The following CRYBA4 variants were observed in gnomAD, a reference collection of about 807,000 sequenced individuals.
CRYBA4 encodes the protein beta-crystallin A4.
CRYBA4 carries 30 observed loss-of-function variants against 31.7 expected under a neutral mutation model. The observed-to-expected ratio is 0.95, with a 90% CI of 0.71 to 1.28. The LOEUF (loss-of-function observed/expected upper bound fraction) is 1.28. CRYBA4 is among the 50% of genes most tolerant of loss of function. The pLI is 0.00. For missense variants in CRYBA4, 225 were observed against 260.7 expected (o/e 0.86, Z 0.94); for synonymous variants, 102 against 102.3 (o/e 1.00, Z 0.02).
intron 5 of CRYBA4, among the ~76,000 whole-genome samples, chr22:26,629,006 CAGGCTCTTTGGCT>C (rs1228945419): frequency 6.6e-6 from 1 of 152,206 alleles, no homozygotes; most frequent in African/African-American, 2.4e-5. Flanking sequence ...TGAGAGGCCA[CAGGCTCTTTGGCT>C]AGAAGAGGGG....
chr22:26,600,138 AAG>A, the CRYBA4 span, among the ~76,000 whole-genome samples: 1 of 152,198 alleles, frequency 6.6e-6, no homozygotes, highest in Non-Finnish European at 1.5e-5. Context: ...GCGGTGGCTC[AAG>A]CCTGTAATCC....
At chr22:26,598,577 T>C in the CRYBA4 span, among the ~76,000 whole-genome samples, 1 of 151,944 alleles carries the variant, frequency 6.6e-6, no homozygotes, top group Non-Finnish European at 1.5e-5. Flanking sequence ...AGAGATGGGG[T>C]TTCGCGATGT....
the CRYBA4 span, among the ~76,000 whole-genome samples, chr22:26,601,427 G>A: frequency 1.3e-5 from 2 of 151,964 alleles, no homozygotes; most frequent in Non-Finnish European, 1.5e-5. Flanking sequence ...AGGCTCACTC[G>A]AGTTCCTCAG....
the CRYBA4 span, among the ~76,000 whole-genome samples, chr22:26,611,064 C>T: frequency 1.3e-5 from 2 of 152,126 alleles, no homozygotes; most frequent in Non-Finnish European, 2.9e-5. Context: ...GATGACTATC[C>T]CTGTTTTATA....
the CRYBA4 span, among the ~76,000 whole-genome samples, chr22:26,596,442 T>A: frequency 1.3e-5 from 2 of 152,184 alleles, no homozygotes; most frequent in Non-Finnish European, 2.9e-5. Flanking sequence ...TTCTAGTATG[T>A]TTACCTTTTA....
chr22:26,623,910 G>A (rs1413183746), intron 3 of CRYBA4, among the ~76,000 whole-genome samples: 2 of 152,062 alleles, frequency 1.3e-5, no homozygotes, highest in Non-Finnish European at 2.9e-5. Context: ...TGATGGAGAT[G>A]TTCTACATCT....
chr22:26,630,643 A>G lies in CRYBA4; in HGVS notation c.*156A>G, dbSNP rs1929902123. 8.0e-6 allele frequency: 5 copies of G among 625,600 alleles called. No homozygotes were observed. The highest frequency in any genetic ancestry group is 2.9e-5 in the Admixed American group (1 of 34,840). 38.8% of individuals were successfully genotyped at this position (625,600 alleles called of 1,614,324 possible). ...GTGCACAGTCAGCACAAAAAACTCA[A>G]ACGAATAAAAAAGAGAAAGTCTGGT... On this transcript the variant is annotated 3_prime_UTR_variant, in exon 6 of 6. Coordinates refer to ENST00000354760, the MANE Select transcript of CRYBA4 (RefSeq NM_001886.3).
intron 3 of CRYBA4, among the ~76,000 whole-genome samples, chr22:26,623,629 C>T (rs1031858845): frequency 5.3e-5 from 8 of 152,124 alleles, no homozygotes; most frequent in Non-Finnish European, 1.2e-4. Flanking sequence ...AAAAATGTCC[C>T]TCCCAGCCGT....
the CRYBA4 span, among the ~76,000 whole-genome samples, chr22:26,616,512 G>A: frequency 1.3e-5 from 2 of 152,126 alleles, no homozygotes; most frequent in African/African-American, 4.8e-5. Flanking sequence ...AGACCTTCCC[G>A]TCTGGGGGCC....
the CRYBA4 span, chr22:26,612,091 T>C: frequency 2.5e-6 from 4 of 1,613,138 alleles, no homozygotes; most frequent in Admixed American, 5.0e-5. Context: ...GAGACAATGA[T>C]GCTGCGCACA....
rs1321886393 is a variant in CRYBA4, at chr22:26,628,442, C to G, written c.443+12C>G. The G allele has an allele frequency of 5.0e-6, 8 of 1,613,562 alleles. No individual in the cohort carries two copies. Among genetic ancestry groups the G allele is most frequent in the Non-Finnish European group, 6.8e-6 (8 of 1,179,618 alleles). ...GTCCACTCTGGGGCGTAAGTGTATT[C>G]AAGGCTCTACCTGGCAGGGGAGGGG... On this transcript the variant is annotated intron_variant, in intron 5 of 5. Transcript: ENST00000354760.
At chr22:26,613,597 C>T in the CRYBA4 span, among the ~76,000 whole-genome samples, 1 of 152,338 alleles carries the variant, frequency 6.6e-6, no homozygotes, top group East Asian at 1.9e-4. Flanking sequence ...TACCCTTGTG[C>T]TTTCCTATGC....
At chr22:26,618,405 C>G (rs1265399499), upstream of CRYBA4, among the ~76,000 whole-genome samples, 1 of 152,184 alleles carries the variant, frequency 6.6e-6, no homozygotes, top group African/African-American at 2.4e-5. Flanking sequence ...TTTGGTAGGT[C>G]TCTACCCCTA....
At chr22:26,612,045 T>C in the CRYBA4 span, 1 of 1,494,424 alleles carries the variant, frequency 6.7e-7, no homozygotes, top group Non-Finnish European at 9.3e-7. Flanking sequence ...TGGCAGAGAG[T>C]GTGCCCCTCC....
chr22:26,601,818 A>T, the CRYBA4 span: 1 of 1,609,342 alleles, frequency 6.2e-7, no homozygotes. Flanking sequence ...TAAGGGGAGC[A>T]GCCTCTGATT....
intron 5 of CRYBA4, among the ~76,000 whole-genome samples, chr22:26,629,776 G>C (rs969663328): frequency 7.5e-6 from 1 of 133,008 alleles, no homozygotes; most frequent in African/African-American, 2.8e-5. Context: ...TGAAATGATA[G>C]CTTTTTTTCT....
At chr22:26,612,892 G>A in the CRYBA4 span, among the ~76,000 whole-genome samples, 8 of 151,992 alleles carry the variant, frequency 5.3e-5, no homozygotes, top group East Asian at 1.9e-4. Flanking sequence ...TTCCTCCATC[G>A]GCCTTGGTTG....
Position 26,630,379 on chromosome 22 carries a change from G to C in CRYBA4, c.483G>C (p.Gln161His). The C allele has an allele frequency of 6.2e-7, 1 of 1,614,252 alleles. No individual in the cohort carries two copies. The highest frequency in any genetic ancestry group is 8.5e-7 in the Non-Finnish European group (1 of 1,180,038). The stretch of plus-strand genomic sequence containing the variant: ...AGTTTCCGGGCTACCGAGGATTTCA[G>C]TATGTGCTGGAATGCGATCACCATT... The part of the protein sequence containing the change: ...CSQFPGYRGF[Q>H]YVLECDHHSG... The change falls in exon 6 of 6, where the codon CAG (glutamine) becomes CAC (histidine). Residue 161 changes from glutamine to histidine, a missense_variant. Coordinates refer to ENST00000354760, the MANE Select transcript of CRYBA4 (RefSeq NM_001886.3).
chr22:26,608,257 T>C, the CRYBA4 span, among the ~76,000 whole-genome samples: 6 of 152,360 alleles, frequency 3.9e-5, no homozygotes, highest in South Asian at 1.2e-3. Context: ...CTCATATGCC[T>C]GTTTCCTTGG....
Sources: allele counts gnomAD v4.1 joint callset (sites outside exome capture counted in the v4.1 genomes callset), GRCh38; gene constraint gnomAD v4.1.1; transcripts MANE v1.5; gene names NCBI Gene and HGNC (gene_info 2026-07-23, HGNC 2026-07-21).